Variants in PCDHA13 observed in about 807,000 individuals in gnomAD.
PCDHA13 encodes protocadherin alpha-13.
A neutral mutation model predicts 64.8 loss-of-function variants in PCDHA13; 54 were observed. That is an observed-to-expected ratio of 0.83 (90% CI 0.67 to 1.04). The LOEUF (loss-of-function observed/expected upper bound fraction) is 1.04, where lower values mean the gene tolerates loss of function less well. Ranked by LOEUF, PCDHA13 falls within the 50% of genes least tolerant of loss-of-function variation. The pLI is 0.00. For missense variants in PCDHA13, 1,248 were observed against 1,254.3 expected, an observed-to-expected ratio of 0.99 and a Z score of 0.08; for synonymous variants, 587 against 564.4, an observed-to-expected ratio of 1.04 and a Z score of -0.57.
chr5:140,907,697 C>T (rs1425951971), intron 1 of PCDHA13, among the ~76,000 whole-genome samples: 2 of 152,202 alleles, frequency 1.3e-5, no homozygotes, highest in African/African-American at 2.4e-5. Context: ...GTGGAAGTCC[C>T]TGTTGCTGAG....
In PCDHA13 at chr5:140,943,140, C is replaced by CCCAGCTA. The variant is rs377502817; in HGVS notation, c.2395-35807_2395-35801dup. 5.8e-3 allele frequency among the ~76,000 whole-genome samples: 878 copies of CCCAGCTA among 151,552 alleles called. 7 individuals are homozygous for CCCAGCTA. The highest frequency in any genetic ancestry group is 0.021 in the African/African-American group (851 of 41,302). On this transcript the variant is annotated intron_variant, in intron 1 of 3. Transcript: ENST00000289272. ...AGGTGTGGTAGTGGGTGCCTGTAGT[C>CCCAGCTA]CCAGCTACTCTGGAGGCTGAGGCAG...
rs782210486 is a variant in PCDHA13 at position 140,882,836 on chromosome 5, T to C, written c.568T>C (p.Ser190Pro). ...LDAQNSLEQM[S>P]SLSLVLRKTL... ...CGCACAAAACAGTCTTGAGCAAATG[T>C]CTTCATTATCACTTGTACTGAGGAA... Residue 190 changes from serine to proline, a missense_variant, in exon 1 of 4, where the codon TCT becomes CCT. Transcript: ENST00000289272. 1 of 1,614,226 alleles carries C rather than the reference T, an allele frequency of 6.2e-7. No homozygotes were observed. The highest frequency in any genetic ancestry group is 1.1e-5 in the South Asian group (1 of 91,078).
intron 2 of PCDHA13, among the ~76,000 whole-genome samples, chr5:140,981,152 C>T (rs1340087244): frequency 6.6e-6 from 1 of 152,210 alleles, no homozygotes; most frequent in African/African-American, 2.4e-5. Flanking sequence ...AAACATTGAA[C>T]TTATATGTTG....
intron 1 of PCDHA13, among the ~76,000 whole-genome samples, chr5:140,904,057 G>T (rs1043471579): frequency 6.6e-6 from 1 of 151,986 alleles, no homozygotes; most frequent in Non-Finnish European, 1.5e-5. Context: ...ATTTCAATGG[G>T]TTTTTGGGGA....
At chr5:140,946,374 CGGTT>C (rs1308149019) in intron 1 of PCDHA13, among the ~76,000 whole-genome samples, 6 of 151,656 alleles carry the variant, frequency 4.0e-5, no homozygotes, top group Non-Finnish European at 5.9e-5. Flanking sequence ...CTCTTGCACA[CGGTT>C]GGTAGGAATG....
intron 3 of PCDHA13, among the ~76,000 whole-genome samples, chr5:140,986,690 AAC>A (rs2097209708): frequency 6.6e-6 from 1 of 152,172 alleles, no homozygotes; most frequent in South Asian, 2.1e-4. Context: ...AAAGTTTCAA[AAC>A]ACACAGCACT....
At chr5:140,967,506 T>G in intron 1 of PCDHA13, 7 of 1,612,946 alleles carry the variant, frequency 4.3e-6, no homozygotes, top group Non-Finnish European at 5.9e-6. Context: ...TCTGTGCGTG[T>G]CCTGGACACT....
intron 2 of PCDHA13, among the ~76,000 whole-genome samples, chr5:140,980,990 G>T (rs1344931215): frequency 6.6e-6 from 1 of 152,116 alleles, no homozygotes. Flanking sequence ...CACACAATTT[G>T]CTAGTAGGAT....
chr5:140,933,833 A>G (rs944428844), intron 1 of PCDHA13, among the ~76,000 whole-genome samples: 1 of 151,928 alleles, frequency 6.6e-6, no homozygotes, highest in East Asian at 1.9e-4. Flanking sequence ...TATTGCTCCT[A>G]TTTCATTCCT....
At chr5:140,927,729 G>C (rs2084563367) in intron 1 of PCDHA13, 1 of 1,614,098 alleles carries the variant, frequency 6.2e-7, no homozygotes, top group South Asian at 1.1e-5. Context: ...CGCAAGCAGA[G>C]CTGCGACACC....
intron 1 of PCDHA13, among the ~76,000 whole-genome samples, chr5:140,923,958 T>C (rs1447655640): frequency 1.3e-5 from 2 of 152,216 alleles, no homozygotes; most frequent in Admixed American, 6.5e-5. Context: ...CACGCCCTAA[T>C]CTATACCCAC....
intron 1 of PCDHA13, among the ~76,000 whole-genome samples, chr5:140,946,255 A>C (rs1554217419): frequency 6.6e-6 from 1 of 152,084 alleles, no homozygotes; most frequent in Non-Finnish European, 1.5e-5. Context: ...GAATCATCAG[A>C]AAAATGCGAA....
intron 3 of PCDHA13, among the ~76,000 whole-genome samples, chr5:140,992,017 CTGTG>C (rs10602499): frequency 0.28 from 40,265 of 145,404 alleles, 5,754 homozygotes; most frequent in East Asian, 0.38. Flanking sequence ...AGAGGTGGCT[CTGTG>C]TGTGTGTGTG....
intron 3 of PCDHA13, among the ~76,000 whole-genome samples, chr5:140,988,083 G>A (rs957131929): frequency 1.3e-5 from 2 of 152,292 alleles, no homozygotes; most frequent in Middle Eastern, 3.4e-3. Context: ...TCATGAGTGA[G>A]TGCAGCCTCG....
chr5:140,941,199 C>CT (rs879983584), intron 1 of PCDHA13, among the ~76,000 whole-genome samples: 21,657 of 115,670 alleles, frequency 0.19, 2,171 homozygotes, highest in East Asian at 0.37. Flanking sequence ...TTTTTTCTTT[C>CT]TTCCTTTCTT....
chr5:140,913,082 CA>C (rs1341633290), intron 1 of PCDHA13, among the ~76,000 whole-genome samples: 2 of 152,108 alleles, frequency 1.3e-5, no homozygotes, highest in Non-Finnish European at 2.9e-5. Flanking sequence ...TGTTTGGTAT[CA>C]GGATAATACT....
At position 140,884,772 on chromosome 5, in the gene PCDHA13, T is replaced by G. The variant is rs563372954; in HGVS notation, c.2394+110T>G. 1.9e-5 allele frequency: 27 copies of G among 1,409,818 alleles called. No homozygotes were observed. In the African/African-American group the frequency reaches 3.6e-4, roughly 19 times the overall value. The allele number at this position is 1,409,818 out of a possible 1,614,324, so 87.3% of individuals were successfully genotyped here. On this transcript the variant is annotated intron_variant, in intron 1 of 3. Transcript: ENST00000289272. Reference sequence around the variant, plus strand: ...TTCAAATTATTCTTTACTTTAATTTTAATTTTGCTAGTTGTTATCGAATTT... The same window carrying G: ...TTCAAATTATTCTTTACTTTAATTTGAATTTTGCTAGTTGTTATCGAATTT...
intron 3 of PCDHA13, among the ~76,000 whole-genome samples, chr5:140,992,959 T>A (rs1262703040): frequency 6.6e-6 from 1 of 152,206 alleles, no homozygotes; most frequent in Non-Finnish European, 1.5e-5. Context: ...TCACCCCTTA[T>A]ACTGCTGACA....
chr5:141,009,852 A>G lies in PCDHA13; in HGVS notation c.2768A>G (p.Lys923Arg), dbSNP rs1554262492. The G allele has an allele frequency of 6.2e-7, 1 of 1,614,074 alleles. No homozygotes were observed. Among genetic ancestry groups the G allele is most frequent in the East Asian group, 2.2e-5 (1 of 44,874 alleles). ...FITFGKKEET[K>R]KKKKKKKGNK... ...ACCTTCGGCAAAAAGGAGGAGACCA[A>G]GAAAAAGAAGAAAAAGAAGAAGGGT... Residue 923 changes from lysine (K) to arginine (R), a missense_variant, in exon 4 of 4, where the codon AAG becomes AGG. Physicochemically the swap from Lys to Arg is conservative, Grantham distance 26. Coordinates refer to ENST00000289272, the MANE Select transcript of PCDHA13 (RefSeq NM_018904.3).
Sources: allele counts gnomAD v4.1 joint callset (sites outside exome capture counted in the v4.1 genomes callset), GRCh38; gene constraint gnomAD v4.1.1; transcripts MANE v1.5; gene names NCBI Gene and HGNC (gene_info 2026-07-23, HGNC 2026-07-21).